The following RBPMS variants were observed in gnomAD, a reference collection of about 807,000 sequenced individuals.
RBPMS encodes RNA-binding protein with multiple splicing.
In RBPMS, 7 loss-of-function variants were observed where a neutral mutation model predicts 26.8. The ratio of observed to expected loss-of-function variants is 0.26; its 90% CI spans 0.15 to 0.49. The LOEUF (loss-of-function observed/expected upper bound fraction) is 0.49, where lower values mean the gene tolerates loss of function less well. Among genes scored for constraint, RBPMS ranks in the 20% least tolerant of loss-of-function variants. The pLI, the probability that RBPMS is intolerant of heterozygous loss-of-function variation, is 0.98. For synonymous variants in RBPMS, 96 were observed against 93.3 expected, an observed-to-expected ratio of 1.03 and a Z score of -0.17; for missense variants, 186 against 250.0, an observed-to-expected ratio of 0.74 and a Z score of 1.73.
At chr8:30,490,524 A>G (rs904132830) in intron 4 of RBPMS, among the ~76,000 whole-genome samples, 1 of 151,938 alleles carries the variant, frequency 6.6e-6, no homozygotes, top group Admixed American at 6.6e-5. Flanking sequence ...CAATGGTGCA[A>G]TCTTGGCTCA....
intron 6 of RBPMS, among the ~76,000 whole-genome samples, chr8:30,549,793 T>TCTCTCTCTCTCTTTCTCTCTCTCTCC: frequency 9.1e-6 from 1 of 109,368 alleles, no homozygotes; most frequent in South Asian, 2.7e-4. Context: ...TCTCTCTCTC[T>TCTCTCTCTCTCTTTCTCTCTCTCTCC]CTCCCCTCTC....
At chr8:30,434,406 AC>A in intron 1 of RBPMS, among the ~76,000 whole-genome samples, 1 of 152,252 alleles carries the variant, frequency 6.6e-6, no homozygotes, top group Middle Eastern at 3.4e-3. Context: ...AGAAATAAGA[AC>A]AAAAAAGAAC....
chr8:30,444,234 T>G (rs907373115), intron 1 of RBPMS, among the ~76,000 whole-genome samples: 3 of 152,272 alleles, frequency 2.0e-5, no homozygotes, highest in South Asian at 2.1e-4. Flanking sequence ...ACATAACCCA[T>G]AGGTAACATA....
At chr8:30,412,085 C>T (rs1456129126) in intron 1 of RBPMS, among the ~76,000 whole-genome samples, 1 of 152,062 alleles carries the variant, frequency 6.6e-6, no homozygotes, top group Non-Finnish European at 1.5e-5. Context: ...CTGACAAAGT[C>T]GAGGCTTGTC....
chr8:30,522,421 T>C (rs1429255686), intron 5 of RBPMS, among the ~76,000 whole-genome samples: 1 of 152,108 alleles, frequency 6.6e-6, no homozygotes, highest in African/African-American at 2.4e-5. Context: ...GGTGGGCAGA[T>C]TGCTTGAGCC....
chr8:30,503,795 G>A (rs1443562554), intron 4 of RBPMS, among the ~76,000 whole-genome samples: 3 of 152,086 alleles, frequency 2.0e-5, no homozygotes, highest in Non-Finnish European at 4.4e-5. Context: ...TTTTTGACAC[G>A]TAGGGTCCAG....
intron 4 of RBPMS, among the ~76,000 whole-genome samples, chr8:30,488,363 C>T (rs1476304345): frequency 6.6e-6 from 1 of 152,116 alleles, no homozygotes; most frequent in Non-Finnish European, 1.5e-5. Flanking sequence ...TAATGTCTCA[C>T]AGAATTTAGG....
chr8:30,442,849 A>G (rs2915603), intron 1 of RBPMS: 62,875 of 151,816 alleles, frequency 0.41, 14,958 homozygotes, highest in African/African-American at 0.66. Flanking sequence ...TGGGGGAAAG[A>G]TCAGAGGGTG....
chr8:30,499,631 C>T (rs750233107), intron 4 of RBPMS, among the ~76,000 whole-genome samples: 1 of 151,912 alleles, frequency 6.6e-6, no homozygotes, highest in Non-Finnish European at 1.5e-5. Flanking sequence ...AAACCCAAAT[C>T]GAGGGCTACT....
intron 1 of RBPMS, among the ~76,000 whole-genome samples, chr8:30,430,219 A>AATGGATGG (rs147429445): frequency 2.7e-4 from 41 of 151,538 alleles, no homozygotes; most frequent in Middle Eastern, 3.4e-3. Context: ...CCCTGTCTTA[A>AATGGATGG]ATGGATGGAT....
At chr8:30,556,724 G>T (rs1050076578) in intron 6 of RBPMS, 7 of 986,004 alleles carry the variant, frequency 7.1e-6, no homozygotes, top group Non-Finnish European at 8.4e-6. Context: ...CCTGTCTCAG[G>T]AAGGCAGCTC....
chr8:30,549,674 C>T, intron 6 of RBPMS: 2 of 937,398 alleles, frequency 2.1e-6, no homozygotes, highest in Admixed American at 1.8e-5. Context: ...CGCCAGCCTC[C>T]TGTGAGAGTG....
intron 5 of RBPMS, among the ~76,000 whole-genome samples, chr8:30,507,252 A>T (rs919151783): frequency 1.3e-5 from 2 of 152,106 alleles, no homozygotes; most frequent in Non-Finnish European, 2.9e-5. Flanking sequence ...AGAGAAAAAA[A>T]TTTTTTTCAC....
chr8:30,540,043 G>GGT (rs910792773), intron 5 of RBPMS, among the ~76,000 whole-genome samples: 1 of 152,316 alleles, frequency 6.6e-6, no homozygotes. Flanking sequence ...TGCAGGATGT[G>GGT]GTGGAGCACA....
At chr8:30,415,191 C>T (rs1315056925) in intron 1 of RBPMS, among the ~76,000 whole-genome samples, 2 of 152,174 alleles carry the variant, frequency 1.3e-5, no homozygotes, top group African/African-American at 4.8e-5. Flanking sequence ...CAGCCCTTCC[C>T]CTCCCCTCCC....
rs548103908 is a variant in RBPMS, at chr8:30,498,479, T to C, written c.247-5807T>C. On this transcript the variant is annotated intron_variant, in intron 4 of 8. Transcript: ENST00000397323. ...ATAGGCAAAGTGGAGACAACAAGGA[T>C]GGGGAGAGACTCCAAATTGAAGACA... Among the ~76,000 whole-genome samples, 202 of 152,298 alleles carry C rather than the reference T, an allele frequency of 1.3e-3. 2 individuals are homozygous for C. Among genetic ancestry groups the C allele is most frequent in the South Asian group, 0.012 (59 of 4,826 alleles).
chr8:30,502,286 C>T (rs1486729332), intron 4 of RBPMS, among the ~76,000 whole-genome samples: 3 of 152,042 alleles, frequency 2.0e-5, no homozygotes, highest in African/African-American at 7.3e-5. Flanking sequence ...GGACTCAAGC[C>T]GCCAGCCCAG....
At chr8:30,432,932 G>C (rs1035198432) in intron 1 of RBPMS, among the ~76,000 whole-genome samples, 1 of 152,122 alleles carries the variant, frequency 6.6e-6, no homozygotes, top group Non-Finnish European at 1.5e-5. Flanking sequence ...AATCACACAG[G>C]GTCTGGAAGC....
At chr8:30,563,650 T>C (rs1827676960) in intron 7 of RBPMS, among the ~76,000 whole-genome samples, 1 of 152,150 alleles carries the variant, frequency 6.6e-6, no homozygotes, top group Non-Finnish European at 1.5e-5. Context: ...TTGGAGCTAT[T>C]TTTCCCTTCT....
Sources: allele counts gnomAD v4.1 joint callset (sites outside exome capture counted in the v4.1 genomes callset), GRCh38; gene constraint gnomAD v4.1.1; transcripts MANE v1.5; gene names NCBI Gene and HGNC (gene_info 2026-07-23, HGNC 2026-07-21).